The following CNTNAP2 variants were observed in gnomAD, a reference collection of about 807,000 sequenced individuals.
The protein encoded by CNTNAP2 is contactin-associated protein-like 2.
A neutral mutation model predicts 155.2 loss-of-function variants in CNTNAP2; 98 were observed. The observed-to-expected ratio is 0.63, with a 90% CI of 0.54 to 0.75. The LOEUF (loss-of-function observed/expected upper bound fraction) is 0.75. Among genes scored for constraint, CNTNAP2 ranks in the 30% least tolerant of loss-of-function variants. The pLI is 0.00. For missense variants in CNTNAP2, 1,727 were observed against 1,688.1 expected, an observed-to-expected ratio of 1.02 and a Z score of -0.40; for synonymous variants, 651 against 631.2, an observed-to-expected ratio of 1.03 and a Z score of -0.47.
chr7:147,666,956 T>C (rs1795706450), intron 13 of CNTNAP2, among the ~76,000 whole-genome samples: 1 of 152,224 alleles, frequency 6.6e-6, no homozygotes, highest in Non-Finnish European at 1.5e-5. Context: ...GAAGAGCCTA[T>C]ATCAGATATG....
Position 147,939,283 on chromosome 7 carries a change from A to G in CNTNAP2, c.2255+35562A>G, listed in dbSNP as rs575710660. On this transcript the variant is annotated intron_variant, in intron 14 of 23. Coordinates refer to ENST00000361727, the MANE Select transcript of CNTNAP2 (RefSeq NM_014141.6). ...TTTTAAATCTATGAGGTAAGAAGAAAAATCAGGAAATCTGCCTGAACCCAT... is the reference window on the plus strand; with the variant it reads ...TTTTAAATCTATGAGGTAAGAAGAAGAATCAGGAAATCTGCCTGAACCCAT... Among the ~76,000 whole-genome samples the G allele has an allele frequency of 1.6e-3, 240 of 152,288 alleles. 1 individual carries two copies. The highest frequency in any genetic ancestry group is 5.6e-3 in the African/African-American group (233 of 41,568).
chr7:148,408,021 G>C (rs1473044118), intron 22 of CNTNAP2, among the ~76,000 whole-genome samples: 3 of 152,174 alleles, frequency 2.0e-5, no homozygotes, highest in Non-Finnish European at 4.4e-5. Flanking sequence ...AGGGTGAGTG[G>C]ATAACTTGAG....
chr7:146,863,166 CA>C (rs1015999048), intron 3 of CNTNAP2, among the ~76,000 whole-genome samples: 3 of 152,002 alleles, frequency 2.0e-5, no homozygotes, highest in Admixed American at 2.0e-4. Context: ...AAAGAAGTGA[CA>C]AAAAATTTTT....
chr7:147,354,294 T>C (rs1796023279), intron 9 of CNTNAP2, among the ~76,000 whole-genome samples: 1 of 152,176 alleles, frequency 6.6e-6, no homozygotes, highest in Admixed American at 6.5e-5. Context: ...CTTTAATCCA[T>C]CTTGAGTTAA....
intron 3 of CNTNAP2, among the ~76,000 whole-genome samples, chr7:146,895,818 A>G (rs571124992): frequency 8.5e-5 from 13 of 152,246 alleles, no homozygotes; most frequent in Middle Eastern, 6.8e-3. Flanking sequence ...AAGTACCTGA[A>G]TAAAGCTATT....
intron 3 of CNTNAP2, among the ~76,000 whole-genome samples, chr7:146,934,791 A>G (rs1374062205): frequency 1.3e-5 from 2 of 152,172 alleles, no homozygotes; most frequent in African/African-American, 4.8e-5. Context: ...TTAAATATAT[A>G]ATCAGTTACT....
intron 13 of CNTNAP2, among the ~76,000 whole-genome samples, chr7:147,746,883 C>T (rs1036113610): frequency 6.6e-6 from 1 of 152,130 alleles, no homozygotes; most frequent in African/African-American, 2.4e-5. Context: ...ATTTTATTTT[C>T]CTTCTAGTTA....
At chr7:148,089,497 T>C (rs936413244) in intron 15 of CNTNAP2, among the ~76,000 whole-genome samples, 1 of 151,900 alleles carries the variant, frequency 6.6e-6, no homozygotes, top group Non-Finnish European at 1.5e-5. Context: ...ACAGCATTTC[T>C]ATATATTAAC....
chr7:146,295,556 C>T (rs1800500600), intron 1 of CNTNAP2, among the ~76,000 whole-genome samples: 1 of 152,028 alleles, frequency 6.6e-6, no homozygotes, highest in Admixed American at 6.6e-5. Context: ...AATCTAAATA[C>T]ATATTATACC....
chr7:148,407,320 A>G (rs537787415), intron 22 of CNTNAP2, among the ~76,000 whole-genome samples: 105 of 152,332 alleles, frequency 6.9e-4, no homozygotes, highest in Non-Finnish European at 1.2e-3. Flanking sequence ...CTGAAGGGAA[A>G]TGGGAAAGTG....
chr7:146,665,007 G>C (rs1013950673), intron 1 of CNTNAP2, among the ~76,000 whole-genome samples: 3 of 152,072 alleles, frequency 2.0e-5, no homozygotes, highest in East Asian at 3.9e-4. Context: ...GGAGTGCAGT[G>C]GTCAGATGTT....
intron 13 of CNTNAP2, among the ~76,000 whole-genome samples, chr7:147,679,775 T>C (rs952390692): frequency 1.3e-5 from 2 of 151,904 alleles, no homozygotes; most frequent in Non-Finnish European, 2.9e-5. Flanking sequence ...TATTTTCTCT[T>C]TGCCTTAGTT....
At chr7:147,691,066 A>G (rs1478433604) in intron 13 of CNTNAP2, among the ~76,000 whole-genome samples, 1 of 152,172 alleles carries the variant, frequency 6.6e-6, no homozygotes, top group African/African-American at 2.4e-5. Context: ...AACATTGAAG[A>G]TGAATGTCAG....
chr7:147,746,521 C>T (rs1327463462), intron 13 of CNTNAP2, among the ~76,000 whole-genome samples: 2 of 152,086 alleles, frequency 1.3e-5, no homozygotes, highest in Non-Finnish European at 2.9e-5. Context: ...TACCTTTCTC[C>T]CTTCTACCCC....
At chr7:148,255,328 T>C (rs1796438299) in intron 20 of CNTNAP2, among the ~76,000 whole-genome samples, 1 of 152,240 alleles carries the variant, frequency 6.6e-6, no homozygotes, top group South Asian at 2.1e-4. Context: ...ATCTTTGAAA[T>C]CAATGCTATT....
intron 13 of CNTNAP2, among the ~76,000 whole-genome samples, chr7:147,711,581 A>T (rs990811693): frequency 3.3e-5 from 5 of 152,300 alleles, no homozygotes; most frequent in Admixed American, 3.3e-4. Flanking sequence ...GGCAATCCAG[A>T]CAGCTGCAGT....
At chr7:146,385,263 C>T (rs943599860) in intron 1 of CNTNAP2, among the ~76,000 whole-genome samples, 13 of 152,056 alleles carry the variant, frequency 8.5e-5, no homozygotes, top group African/African-American at 3.1e-4. Context: ...TAGAAAAGTC[C>T]TAAAGGGCTT....
chr7:146,672,217 C>T (rs898036344), intron 1 of CNTNAP2, among the ~76,000 whole-genome samples: 2 of 152,146 alleles, frequency 1.3e-5, no homozygotes, highest in Admixed American at 6.5e-5. Context: ...AACGCAGTGA[C>T]CGTTCACTCT....
chr7:147,459,708 C>T (rs1199640880), intron 10 of CNTNAP2, among the ~76,000 whole-genome samples: 1 of 152,188 alleles, frequency 6.6e-6, no homozygotes, highest in Non-Finnish European at 1.5e-5. Flanking sequence ...AACAGTTTCT[C>T]TCCAACAAGA....
Sources: allele counts gnomAD v4.1 joint callset (sites outside exome capture counted in the v4.1 genomes callset), GRCh38; gene constraint gnomAD v4.1.1; transcripts MANE v1.5; gene names NCBI Gene and HGNC (gene_info 2026-07-23, HGNC 2026-07-21).